Variants in FAM185A observed in about 807,000 individuals in gnomAD.
FAM185A encodes the protein family with sequence similarity 185 member A.
In FAM185A, 21 loss-of-function variants were observed where a neutral mutation model predicts 45.7. That is an observed-to-expected ratio of 0.46 (90% confidence interval 0.33 to 0.66). The LOEUF is 0.66. Among genes scored for constraint, FAM185A ranks in the 30% least tolerant of loss-of-function variants. The probability of loss-of-function intolerance (pLI) is 0.03; values close to 1 mark genes in which losing one functional copy is unlikely to be tolerated. For missense variants in FAM185A, 305 were observed against 485.4 expected (o/e 0.63, Z 3.49); for synonymous variants, 117 against 194.0 (o/e 0.60, Z 3.30).
chr7:102,827,069 C>G, the FAM185A span: 111 of 433,970 alleles, frequency 2.6e-4, no homozygotes, highest in Non-Finnish European at 4.6e-4. Flanking sequence ...CTAAACTAAC[C>G]TTGTGACTTG....
chr7:102,752,091 T>C (rs567006205), intron 2 of FAM185A, among the ~76,000 whole-genome samples: 57 of 152,094 alleles, frequency 3.7e-4, no homozygotes, highest in African/African-American at 1.3e-3. Context: ...GAAATTTTAG[T>C]TTCCACAAAT....
chr7:102,760,414 T>A (rs1267969270), intron 3 of FAM185A, among the ~76,000 whole-genome samples: 1 of 151,500 alleles, frequency 6.6e-6, no homozygotes, highest in Non-Finnish European at 1.5e-5. Flanking sequence ...AGTGGAAAAG[T>A]TCTAGAAATA....
At chr7:102,792,473 T>C (rs1455144150) in intron 7 of FAM185A, among the ~76,000 whole-genome samples, 3 of 100,784 alleles carry the variant, frequency 3.0e-5, no homozygotes, top group South Asian at 8.0e-4. Flanking sequence ...TTCTAATAAG[T>C]TGGCTTCTCT....
chr7:102,837,314 A>C, the FAM185A span, among the ~76,000 whole-genome samples: 3 of 152,342 alleles, frequency 2.0e-5, no homozygotes, highest in African/African-American at 7.2e-5. Context: ...AGCAAGGCTT[A>C]GCAAAGGCCC....
At chr7:102,796,243 A>G (rs562811801) in intron 7 of FAM185A, among the ~76,000 whole-genome samples, 1 of 152,334 alleles carries the variant, frequency 6.6e-6, no homozygotes, top group African/African-American at 2.4e-5. Context: ...CAGCTTATCA[A>G]TCTGGGTTAT....
At chr7:102,765,456 ATTTAT>A (rs1794330428) in intron 4 of FAM185A, among the ~76,000 whole-genome samples, 1 of 151,956 alleles carries the variant, frequency 6.6e-6, no homozygotes, top group South Asian at 2.1e-4. Flanking sequence ...AGAGCATGAA[ATTTAT>A]TTTTTGTCTG....
the FAM185A span, chr7:102,832,770 A>T: frequency 6.3e-7 from 1 of 1,581,516 alleles, no homozygotes; most frequent in African/African-American, 1.3e-5. Flanking sequence ...TCCAGCCCTG[A>T]TCGCTGTCCT....
chr7:102,832,699 G>A, the FAM185A span: 11 of 1,012,696 alleles, frequency 1.1e-5, no homozygotes, highest in African/African-American at 1.5e-4. Context: ...TTTCCAATTT[G>A]AGGATAGAAG....
In FAM185A at chr7:102,791,959, A is replaced by T. The variant is rs565450539; in HGVS notation, c.1066+4490A>T. 4.6e-5 allele frequency among the ~76,000 whole-genome samples: 7 copies of T among 152,222 alleles called. No homozygotes were observed. The South Asian group carries it at 1.5e-3, about 32-fold the overall frequency. ...CTGAAACCAAATTTTGGAAATAATG[A>T]GCAGCTTTATATGTGAGCTATTATT... On this transcript the variant is annotated intron_variant, in intron 7 of 7. Coordinates refer to ENST00000413034, the MANE Select transcript of FAM185A (RefSeq NM_001145268.2).
At chr7:102,761,594 TTTGTGCAAGAGA>T (rs1446926442) in intron 4 of FAM185A, among the ~76,000 whole-genome samples, 183 bp downstream of exon 4, 4 of 151,782 alleles carry the variant, frequency 2.6e-5, no homozygotes, top group African/African-American at 9.7e-5. Context: ...TTTAATTTTA[TTTGTGCAAGAGA>T]TTAAAGATTA....
At chr7:102,835,668 GGC>G in the FAM185A span, among the ~76,000 whole-genome samples, 1 of 108,480 alleles carries the variant, frequency 9.2e-6, no homozygotes, top group Non-Finnish European at 1.6e-5. Flanking sequence ...GGAGTGCAGT[GGC>G]GCAATCTCGG....
intron 6 of FAM185A, among the ~76,000 whole-genome samples, chr7:102,781,119 C>T (rs1207669051): frequency 2.6e-5 from 4 of 152,158 alleles, no homozygotes; most frequent in East Asian, 1.9e-4. Flanking sequence ...AGGGGAGGGG[C>T]GTCCACCATT....
At chr7:102,791,405 G>C (rs1438554846) in intron 7 of FAM185A, among the ~76,000 whole-genome samples, 1 of 152,286 alleles carries the variant, frequency 6.6e-6, no homozygotes, top group African/African-American at 2.4e-5. Flanking sequence ...TAGGCCTTCA[G>C]TAACTTTTGC....
chr7:102,812,837 CTTCTTTTTT>C (rs1797509011), downstream of FAM185A, among the ~76,000 whole-genome samples: 1 of 143,096 alleles, frequency 7.0e-6, no homozygotes, highest in African/African-American at 2.6e-5. Flanking sequence ...CTTGATTTGG[CTTCTTTTTT>C]TTTTTTTTTT....
the FAM185A span, among the ~76,000 whole-genome samples, chr7:102,834,179 TC>T: frequency 6.7e-6 from 1 of 150,244 alleles, no homozygotes; most frequent in African/African-American, 2.4e-5. Context: ...GGAAATTTCC[TC>T]CCCCAAAATG....
chr7:102,813,437 G>A (rs1562888607), downstream of FAM185A: 2 of 1,613,962 alleles, frequency 1.2e-6, no homozygotes, highest in Non-Finnish European at 1.7e-6. Context: ...TCTGTAACAG[G>A]GTTTCCTTCC....
chr7:102,792,284 T>C (rs1396916772), intron 7 of FAM185A, among the ~76,000 whole-genome samples: 1 of 149,818 alleles, frequency 6.7e-6, no homozygotes, highest in Non-Finnish European at 1.5e-5. Context: ...TTATGTGCTA[T>C]TCTGAGGTCA....
chr7:102,751,465 AG>A (rs1442398941), intron 1 of FAM185A, among the ~76,000 whole-genome samples: 1 of 151,838 alleles, frequency 6.6e-6, no homozygotes. Context: ...AGTTCTCTTT[AG>A]GTGATTTAGG....
chr7:102,763,194 A>G (rs1794208866), intron 4 of FAM185A, among the ~76,000 whole-genome samples: 1 of 152,136 alleles, frequency 6.6e-6, no homozygotes, highest in South Asian at 2.1e-4. Context: ...TCTTTTTTGA[A>G]GCAGTCCTCA....
Sources: gnomAD v4.1 joint callset for allele counts (sites outside exome capture counted in the v4.1 genomes callset) on GRCh38, gnomAD v4.1.1 for gene constraint, MANE v1.5 for transcripts, NCBI Gene and HGNC (gene_info 2026-07-23, HGNC 2026-07-21) for gene names.